Variants in AKAIN1 observed in about 807,000 individuals in gnomAD.
The protein encoded by AKAIN1 is A-kinase anchor protein inhibitor 1.
Under a neutral mutation model 3.7 loss-of-function variants are expected in AKAIN1, and 3 were observed. The observed-to-expected ratio is 0.82, with a 90% CI of 0.37 to 2.12. The LOEUF (loss-of-function observed/expected upper bound fraction) is 2.12. Ranked by LOEUF, AKAIN1 falls within the 30% of genes most tolerant of loss-of-function variation. The probability of loss-of-function intolerance (pLI) is 0.06; values close to 1 mark genes in which losing one functional copy is unlikely to be tolerated. For synonymous variants in AKAIN1, 31 were observed against 30.8 expected (o/e 1.01, Z -0.02); for missense variants, 82 against 82.7 (o/e 0.99, Z 0.03).
intron 1 of AKAIN1, among the ~76,000 whole-genome samples, chr18:5,186,303 G>A (rs765085577): frequency 1.6e-4 from 25 of 151,870 alleles, no homozygotes; most frequent in African/African-American, 4.8e-4. Context: ...AAAATAATCC[G>A]TACACCAAAC....
chr18:5,166,110 T>A (rs1284245301), intron 1 of AKAIN1, among the ~76,000 whole-genome samples: 3 of 152,004 alleles, frequency 2.0e-5, no homozygotes, highest in Admixed American at 6.6e-5. Context: ...TTACAATGTA[T>A]CCAAAAATAA....
intron 1 of AKAIN1, among the ~76,000 whole-genome samples, chr18:5,173,577 G>A (rs1473176331): frequency 2.6e-5 from 4 of 152,144 alleles, no homozygotes; most frequent in Middle Eastern, 3.2e-3. Flanking sequence ...CTCATTCAGC[G>A]CCCCAGAGGG....
At position 5,197,021 on chromosome 18, in the gene AKAIN1, A is replaced by T. The variant is rs545841796; in HGVS notation, c.16+17T>A. The T allele has an allele frequency of 1.3e-6, 2 of 1,549,060 alleles. No homozygotes were observed. Among genetic ancestry groups the T allele is most frequent in the Admixed American group, 3.9e-5 (2 of 50,994 alleles). On this transcript the variant is annotated intron_variant, in intron 1 of 1. Transcript: ENST00000434239. This position sits in a 1 kb window ranked among gnomAD's most constrained non-coding sequence, Gnocchi z 6.9. Reference sequence around the variant, plus strand: ...TCCCCTCCTAGACACTTGGTGAAAAAGCAAGGTGCGGTGTACCTGGAGCGA... The same window carrying T: ...TCCCCTCCTAGACACTTGGTGAAAATGCAAGGTGCGGTGTACCTGGAGCGA...
intron 1 of AKAIN1, 60 bp downstream of exon 1, chr18:5,196,978 C>G: frequency 4.2e-6 from 6 of 1,438,142 alleles, no homozygotes; most frequent in Non-Finnish European, 5.7e-6. Context: ...TCCCTCTCCT[C>G]TCCGTCCTCT....
At position 5,143,214 on chromosome 18, in the gene AKAIN1, T is replaced by C. The variant is rs533199015; in HGVS notation, c.*2348A>G. Among the ~76,000 whole-genome samples, 1 of 152,372 alleles carries C rather than the reference T, an allele frequency of 6.6e-6. No homozygotes were observed. The highest frequency in any genetic ancestry group is 1.5e-5 in the Non-Finnish European group (1 of 68,032). ...GCCCCTTGTAAAATCTAGTAACTTT[T>C]TCTTCATACTGAAAGATCTGTAAAA... On this transcript the variant is annotated 3_prime_UTR_variant, in exon 2 of 2. Transcript: ENST00000434239.
intron 1 of AKAIN1, among the ~76,000 whole-genome samples, chr18:5,185,211 C>T (rs1257858163): frequency 6.6e-6 from 1 of 152,128 alleles, no homozygotes; most frequent in African/African-American, 2.4e-5. Flanking sequence ...GGATTAAAGA[C>T]TTATATGTAA....
At chr18:5,195,817 G>A (rs996270001) in intron 1 of AKAIN1, among the ~76,000 whole-genome samples, 2 of 152,086 alleles carry the variant, frequency 1.3e-5, no homozygotes, top group African/African-American at 4.8e-5. Context: ...TTCCTCCCTT[G>A]AGTTATTTAG....
intron 1 of AKAIN1, among the ~76,000 whole-genome samples, chr18:5,155,069 T>C (rs2071099758): frequency 6.6e-6 from 1 of 152,056 alleles, no homozygotes; most frequent in South Asian, 2.1e-4. Flanking sequence ...ACAAGACCTG[T>C]CCCACTTCCC....
Position 5,172,858 on chromosome 18 carries a change from T to C in AKAIN1, c.16+24180A>G, listed in dbSNP as rs181469129. 2.4e-3 allele frequency among the ~76,000 whole-genome samples: 368 copies of C among 152,054 alleles called. 6 individuals carry two copies. The highest frequency in any genetic ancestry group is 0.02 in the Admixed American group (307 of 15,254). ...AGAATTCTGCCAATGAAGAAAAGAG[T>C]TATTATGGAAGAAAATAGGTGTGGA... On this transcript the variant is annotated intron_variant, in intron 1 of 1. Transcript: ENST00000434239.
chr18:5,191,137 T>C (rs2071315814), intron 1 of AKAIN1, among the ~76,000 whole-genome samples: 1 of 152,194 alleles, frequency 6.6e-6, no homozygotes, highest in African/African-American at 2.4e-5. Context: ...CAAGAATGTC[T>C]TCTTATTACT....
Position 5,149,709 on chromosome 18 carries a change from C to T in AKAIN1, c.17-3954G>A, listed in dbSNP as rs190239082. ...AGGTCATTCCAGCTAAGTTCCTGGC[C>T]AATGTTCTTGCAACTGACTGACCTT... On this transcript the variant is annotated intron_variant, in intron 1 of 1. Transcript: ENST00000434239. Among the ~76,000 whole-genome samples, 533 of 152,298 alleles carry T rather than the reference C, an allele frequency of 3.5e-3. 11 individuals carry two copies. Among genetic ancestry groups the T allele is most frequent in the Admixed American group, 0.032 (485 of 15,298 alleles).
At chr18:5,189,817 AC>A (rs1019091991) in intron 1 of AKAIN1, among the ~76,000 whole-genome samples, 1 of 151,716 alleles carries the variant, frequency 6.6e-6, no homozygotes, top group African/African-American at 2.4e-5. Context: ...AGCAATACAG[AC>A]TTTTCTAGTC....
At chr18:5,156,988 T>C (rs1243251432) in intron 1 of AKAIN1, among the ~76,000 whole-genome samples, 1 of 152,210 alleles carries the variant, frequency 6.6e-6, no homozygotes, top group African/African-American at 2.4e-5. Flanking sequence ...ATTAAATGTC[T>C]AACATCACTA....
At chr18:5,181,628 C>G (rs148192853) in intron 1 of AKAIN1, among the ~76,000 whole-genome samples, 1 of 152,192 alleles carries the variant, frequency 6.6e-6, no homozygotes, top group African/African-American at 2.4e-5. Flanking sequence ...TGATGTGGAA[C>G]AAGATTTTAA....
At chr18:5,152,194 T>C (rs1334059830) in intron 1 of AKAIN1, among the ~76,000 whole-genome samples, 2 of 152,220 alleles carry the variant, frequency 1.3e-5, no homozygotes, top group African/African-American at 4.8e-5. Context: ...TGAAAGTCAC[T>C]CAACACTAGA....
At chr18:5,189,129 C>A (rs924098300) in intron 1 of AKAIN1, among the ~76,000 whole-genome samples, 2 of 152,144 alleles carry the variant, frequency 1.3e-5, no homozygotes, top group Non-Finnish European at 2.9e-5. Context: ...ATGTAGGGAG[C>A]AGAGACCCAA....
intron 1 of AKAIN1, among the ~76,000 whole-genome samples, chr18:5,192,571 C>G (rs2071327928): frequency 6.6e-6 from 1 of 151,976 alleles, no homozygotes; most frequent in Non-Finnish European, 1.5e-5. Context: ...AAAGTGGGCC[C>G]TCTCCACACA....
In AKAIN1 at chr18:5,176,457, C is replaced by CA. The variant is rs371802487; in HGVS notation, c.16+20580dup. ...CCTGTCTCAAAAACAAACAAACAAA[C>CA]AAAAAAAACAAACTGGTAAATAAAG... is the stretch of plus-strand genomic sequence containing the variant. On this transcript the variant is annotated intron_variant, in intron 1 of 1. Transcript: ENST00000434239. 8.9e-3 allele frequency among the ~76,000 whole-genome samples: 1,347 copies of CA among 151,172 alleles called. 19 individuals carry two copies. Among genetic ancestry groups the CA allele is most frequent in the East Asian group, 0.047 (242 of 5,134 alleles).
At chr18:5,161,373 GTTAA>G (rs779932269) in intron 1 of AKAIN1, among the ~76,000 whole-genome samples, 95 of 152,108 alleles carry the variant, frequency 6.2e-4, no homozygotes, top group Middle Eastern at 3.4e-3. Flanking sequence ...AATCTGTTAT[GTTAA>G]TTATTGATTT....
Sources: gnomAD v4.1 joint callset for allele counts (sites outside exome capture counted in the v4.1 genomes callset) on GRCh38, gnomAD v4.1.1 for gene constraint, Gnocchi (gnomAD v3.1) non-coding constraint, MANE v1.5 for transcripts, NCBI Gene and HGNC (gene_info 2026-07-23, HGNC 2026-07-21) for gene names.